ZFPM1: variants seen among roughly 807,000 people sequenced by gnomAD.
The protein encoded by ZFPM1 is zinc finger protein, FOG family member 1, also known as zinc finger protein ZFPM1.
ZFPM1 carries 28 observed loss-of-function variants against 46.3 expected under a neutral mutation model. The observed-to-expected ratio is 0.60, with a 90% CI of 0.45 to 0.83. The LOEUF is 0.83. Ranked by LOEUF, ZFPM1 falls within the 40% of genes least tolerant of loss-of-function variation. ZFPM1 has a pLI of 0.00. For synonymous variants in ZFPM1, 957 were observed against 675.9 expected, an observed-to-expected ratio of 1.42 and a Z score of -6.45; for missense variants, 1,878 against 1,432.4, an observed-to-expected ratio of 1.31 and a Z score of -5.02.
intron 1 of ZFPM1, among the ~76,000 whole-genome samples, chr16:88,463,524 G>A (rs952567430): frequency 3.3e-5 from 5 of 152,248 alleles, no homozygotes; most frequent in Non-Finnish European, 7.3e-5. Context: ...CTAGGCCACC[G>A]TGCCCAGGAT....
upstream of ZFPM1, among the ~76,000 whole-genome samples, chr16:88,452,934 T>G (rs764287458): frequency 8.6e-5 from 13 of 151,236 alleles, no homozygotes; most frequent in Non-Finnish European, 1.9e-4. Context: ...TGGGGGAGGC[T>G]AGAGGTCTCC....
rs1417461378 is a variant in ZFPM1, at chr16:88,485,861, C to G, written c.41-78C>G. 3 of 1,408,568 alleles carry G rather than the reference C, an allele frequency of 2.1e-6. No homozygotes were observed. The East Asian group carries it at 7.0e-5, about 33-fold the overall frequency. 87.3% of individuals were successfully genotyped at this position (1,408,568 alleles called of 1,614,324 possible). ...TTTCCGCCTGGGCACCGGGGCTGTA[C>G]CTATGCCAGGAGGGGTCAGGAGGCA... On this transcript the variant is annotated intron_variant, in intron 1 of 9. Coordinates refer to ENST00000319555, the MANE Select transcript of ZFPM1 (RefSeq NM_153813.3).
Position 88,483,740 on chromosome 16 carries a change from G to T in ZFPM1, c.41-2199G>T, listed in dbSNP as rs1480396430. Reference sequence around the variant, plus strand: ...GAACGGCACCTGGCACCTAGCCCTCGGGTGTCAGCAGAAGGCAGAAAAGGC... The same window carrying T: ...GAACGGCACCTGGCACCTAGCCCTCTGGTGTCAGCAGAAGGCAGAAAAGGC... On this transcript the variant is annotated intron_variant, in intron 1 of 9. Coordinates refer to ENST00000319555, the MANE Select transcript of ZFPM1 (RefSeq NM_153813.3). 2.0e-5 allele frequency among the ~76,000 whole-genome samples: 3 copies of T among 152,268 alleles called. No individual in the cohort carries two copies. In the South Asian group the frequency reaches 6.2e-4, roughly 32 times the overall value.
chr16:88,532,987 G>T, intron 9 of ZFPM1, 52 bp downstream of exon 9: 1 of 1,605,900 alleles, frequency 6.2e-7, no homozygotes. Context: ...CTGAGCAGTG[G>T]GAAGGGAGTG....
chr16:88,479,527 C>T lies in ZFPM1; in HGVS notation c.41-6412C>T, dbSNP rs762287220. Among the ~76,000 whole-genome samples, 99 of 152,196 alleles carry T rather than the reference C, an allele frequency of 6.5e-4. 1 individual carries two copies. Among genetic ancestry groups the T allele is most frequent in the Middle Eastern group, 3.4e-3 (1 of 294 alleles). ...CTCCCATAGCGTGGCCTCAACAGAG[C>T]GAGCGGGGCCGTCCCCGTCTCCTCT... On this transcript the variant is annotated intron_variant, in intron 1 of 9. Coordinates refer to ENST00000319555, the MANE Select transcript of ZFPM1 (RefSeq NM_153813.3).
chr16:88,533,894 G>C lies in ZFPM1; in HGVS notation c.1936G>C (p.Glu646Gln). 3.8e-6 allele frequency: 4 copies of C among 1,039,518 alleles called. No individual in the cohort carries two copies. Among genetic ancestry groups the C allele is most frequent in the Non-Finnish European group, 4.6e-6 (4 of 864,976 alleles). 64.4% of individuals were successfully genotyped at this position (1,039,518 alleles called of 1,614,324 possible). Residue 646 changes from glutamate (E) to glutamine (Q), a missense_variant, in exon 10 of 10, where the codon GAG (glutamate) becomes CAG (glutamine). Transcript: ENST00000319555. The stretch of plus-strand genomic sequence containing the variant: ...GTCCCCGGGCCCCGGAGCGCGCGAG[G>C]AGGGGGCTGGGGGCGCGGCCACGCC... ...RSSPGPGARE[E>Q]GAGGAATPED...
At position 88,534,638 on chromosome 16, in the gene ZFPM1, A is replaced by G; in HGVS notation, c.2680A>G (p.Thr894Ala). The G allele has an allele frequency of 9.5e-7, 1 of 1,049,566 alleles. No individual in the cohort carries two copies. Among genetic ancestry groups the G allele is most frequent in the Non-Finnish European group, 1.1e-6 (1 of 874,938 alleles). 65.0% of individuals were successfully genotyped at this position (1,049,566 alleles called of 1,614,324 possible). A position where few individuals can be genotyped will look rare whatever the true frequency, so the allele number is the denominator to read the frequency against. Residue 894 changes from threonine to alanine, a missense_variant, in exon 10 of 10, where the codon ACG (threonine) becomes GCG (alanine). Physicochemically the swap from Thr to Ala is moderately conservative, Grantham distance 58 (BLOSUM62 0). Coordinates refer to ENST00000319555, the MANE Select transcript of ZFPM1 (RefSeq NM_153813.3). ...GGCCGGCCCGGGGGTCGAGGCCCGG[A>G]CGCCGGCCGACCGCGGCCCCTCGCC... ...PLAGPGVEARTPADRGPSPAP... is the reference protein window; with the variant it reads ...PLAGPGVEARAPADRGPSPAP...
chr16:88,482,538 C>A (rs1427076111), intron 1 of ZFPM1, among the ~76,000 whole-genome samples: 1 of 152,178 alleles, frequency 6.6e-6, no homozygotes. Flanking sequence ...ATCACCATCC[C>A]AGCACCTCCC....
rs1597290171 is a variant in ZFPM1, at chr16:88,532,926, C to A, written c.1180C>A (p.Leu394Met). 1 of 1,613,018 alleles carries A rather than the reference C, an allele frequency of 6.2e-7. No homozygotes were observed. The highest frequency in any genetic ancestry group is 2.2e-5 in the East Asian group (1 of 44,882). The change falls in exon 9 of 10, where the codon CTG becomes ATG. Residue 394 changes from leucine to methionine, a missense_variant. Transcript: ENST00000319555. ...AGGGGCCGGACACCCAGCAACCAAG[C>A]TGCCCCCAGGTGAGCAGCCCTGTGG... is the stretch of plus-strand genomic sequence containing the variant. ...SPGAGHPATK[L>M]PPDSLGSFQQ...
At chr16:88,530,039 C>T (rs1395018948) in intron 6 of ZFPM1, among the ~76,000 whole-genome samples, 3 of 152,104 alleles carry the variant, frequency 2.0e-5, no homozygotes, top group Non-Finnish European at 4.4e-5. Flanking sequence ...TGAAAGGAGC[C>T]GGGAGCAAAG....
rs76480316 is a variant in ZFPM1, at chr16:88,474,818, A to G, written c.41-11121A>G. Among the ~76,000 whole-genome samples the G allele has an allele frequency of 7.9e-4, 120 of 152,224 alleles. No homozygotes were observed. In the East Asian group the frequency reaches 0.015, roughly 19 times the overall value. ...TGCAGAACCCCCAGGGCTGTCGGGA[A>G]CCCGCATCTGGGGCCTCTCTGCCTC... On this transcript the variant is annotated intron_variant, in intron 1 of 9. Coordinates refer to ENST00000319555, the MANE Select transcript of ZFPM1 (RefSeq NM_153813.3).
intron 3 of ZFPM1, among the ~76,000 whole-genome samples, chr16:88,509,174 C>T (rs1399957289): frequency 6.6e-6 from 1 of 152,244 alleles, no homozygotes; most frequent in Admixed American, 6.5e-5. Flanking sequence ...GCTTCCAGAA[C>T]CCCGTCAGCC....
At position 88,533,234 on chromosome 16, in the gene ZFPM1, C is replaced by T. The variant is rs765840319; in HGVS notation, c.1276C>T (p.Pro426Ser). 1.3e-6 allele frequency: 2 copies of T among 1,562,804 alleles called. No individual in the cohort carries two copies. The highest frequency in any genetic ancestry group is 1.9e-5 in the Admixed American group (1 of 53,928). The stretch of plus-strand genomic sequence containing the variant: ...CCTGGGCCTGGCGCCCACCCCATCG[C>T]CAGGACTGGACAGAAAGGCCCTGGC... ...ADLGLAPTPS[P>S]GLDRKALAEA... is the part of the protein sequence containing the mutation. Residue 426 changes from proline to serine, a missense_variant, in exon 10 of 10, where the codon CCA becomes TCA. By Grantham distance (74) the Pro-to-Ser change is moderately conservative. Coordinates refer to ENST00000319555, the MANE Select transcript of ZFPM1 (RefSeq NM_153813.3).
intron 3 of ZFPM1, among the ~76,000 whole-genome samples, chr16:88,509,478 GCGGGAA>G (rs762883857): frequency 3.4e-4 from 52 of 152,342 alleles, no homozygotes; most frequent in South Asian, 6.2e-4. Context: ...CCCCTGGAAG[GCGGGAA>G]GGCCAGCTGT....
At chr16:88,522,194 C>G (rs543153494) in intron 4 of ZFPM1, 2 of 152,504 alleles carry the variant, frequency 1.3e-5, no homozygotes, top group South Asian at 2.1e-4. Flanking sequence ...AGGGGTCTCA[C>G]GGACCTGGCT....
At chr16:88,527,020 G>A in intron 5 of ZFPM1, 104 bp downstream of exon 5, 1 of 1,466,606 alleles carries the variant, frequency 6.8e-7, no homozygotes, top group Non-Finnish European at 9.1e-7. Flanking sequence ...GCTAGGGCAG[G>A]GGATGGGGCA....
chr16:88,471,876 C>T lies in ZFPM1; in HGVS notation c.41-14063C>T, dbSNP rs1908438879. On this transcript the variant is annotated intron_variant, in intron 1 of 9. Transcript: ENST00000319555. This position sits in a 1 kb window ranked among gnomAD's most constrained non-coding sequence, Gnocchi z 4.1. ...TCTGGGCCTCCGGCTGGCTGTGCAC[C>T]ATGTTCCACTGGGTTATTCCTGAGG... is the stretch of plus-strand genomic sequence containing the variant. 6.6e-6 allele frequency among the ~76,000 whole-genome samples: 1 copy of T among 152,260 alleles called. No homozygotes were observed. The highest frequency in any genetic ancestry group is 1.5e-5 in the Non-Finnish European group (1 of 68,048).
At chr16:88,477,005 G>A (rs1193801364) in intron 1 of ZFPM1, among the ~76,000 whole-genome samples, 8 of 152,282 alleles carry the variant, frequency 5.3e-5, no homozygotes, top group Non-Finnish European at 1.0e-4. Flanking sequence ...GCGCACGCCC[G>A]TGCGCCGGGT....
chr16:88,463,613 A>G (rs1329903635), intron 1 of ZFPM1, among the ~76,000 whole-genome samples: 1 of 152,264 alleles, frequency 6.6e-6, no homozygotes, highest in Non-Finnish European at 1.5e-5. Context: ...ACTGACGCTT[A>G]GAGAGTTTCA....
Sources: gnomAD v4.1 joint callset for allele counts (sites outside exome capture counted in the v4.1 genomes callset) on GRCh38, gnomAD v4.1.1 for gene constraint, Gnocchi (gnomAD v3.1) non-coding constraint, MANE v1.5 for transcripts, NCBI Gene and HGNC (gene_info 2026-07-23, HGNC 2026-07-21) for gene names.